Variants in MAP3K13 observed in about 807,000 individuals in gnomAD.
MAP3K13 encodes the protein mitogen-activated protein kinase kinase kinase 13.
A neutral mutation model predicts 104.0 loss-of-function variants in MAP3K13; 52 were observed. That is an observed-to-expected ratio of 0.50 (90% CI 0.40 to 0.63). The LOEUF (loss-of-function observed/expected upper bound fraction) is 0.63, where lower values mean the gene tolerates loss of function less well. Ranked by LOEUF, MAP3K13 falls within the 20% of genes least tolerant of loss-of-function variation. MAP3K13 has a pLI of 0.00. For missense variants in MAP3K13, 914 were observed against 1,218.5 expected, an observed-to-expected ratio of 0.75 and a Z score of 3.72; for synonymous variants, 394 against 442.2, an observed-to-expected ratio of 0.89 and a Z score of 1.37.
intron 2 of MAP3K13, among the ~76,000 whole-genome samples, chr3:185,294,988 C>T (rs1188309071): frequency 6.6e-6 from 1 of 152,078 alleles, no homozygotes; most frequent in Non-Finnish European, 1.5e-5. Context: ...ATTTACTCCT[C>T]CCCCCTCTAA....
At position 185,378,554 on chromosome 3, in the gene MAP3K13, G is replaced by A. The variant is rs145743148; in HGVS notation, c.-86+15186G>A. On this transcript the variant is annotated intron_variant, in intron 1 of 13. Coordinates refer to ENST00000265026, the MANE Select transcript of MAP3K13 (RefSeq NM_004721.5). ...GAGGTGATAGAAGGATTATAGGGTC[G>A]GGGAGCAGAGGCTGAGGAAGAATTG... 3.7e-3 allele frequency among the ~76,000 whole-genome samples: 562 copies of A among 152,156 alleles called. 4 individuals carry two copies. Among genetic ancestry groups the A allele is most frequent in the African/African-American group, 0.013 (535 of 41,514 alleles).
At chr3:185,357,447 TAAAAAAA>T (rs71162295) in intron 2 of MAP3K13, among the ~76,000 whole-genome samples, 3 of 91,398 alleles carry the variant, frequency 3.3e-5, no homozygotes, top group African/African-American at 1.2e-4. Flanking sequence ...AAACTCCATC[TAAAAAAA>T]AAAAAAAAAA....
chr3:185,420,782 TG>T lies in MAP3K13; in HGVS notation c.-85-7712del, dbSNP rs1474007997. On this transcript the variant is annotated intron_variant, in intron 1 of 13. Coordinates refer to ENST00000265026, the MANE Select transcript of MAP3K13 (RefSeq NM_004721.5). ...TTATAAAAATCCTCAATTAGTAACA[TG>T]GGAAAAATTGTATTCTATGATAGAA... 3.3e-5 allele frequency among the ~76,000 whole-genome samples: 5 copies of T among 152,332 alleles called. No individual in the cohort carries two copies. In the East Asian group the frequency reaches 9.6e-4, roughly 29 times the overall value.
intron 1 of MAP3K13, among the ~76,000 whole-genome samples, chr3:185,372,442 A>G (rs1359746163): frequency 6.6e-6 from 1 of 152,218 alleles, no homozygotes; most frequent in African/African-American, 2.4e-5. Context: ...AAGTATTCTC[A>G]AAGACCTAGA....
intron 1 of MAP3K13, among the ~76,000 whole-genome samples, chr3:185,385,327 T>C (rs1179389884): frequency 6.6e-6 from 1 of 152,128 alleles, no homozygotes; most frequent in Non-Finnish European, 1.5e-5. Context: ...ATTTTTGTAT[T>C]TTTGTTGTTG....
chr3:185,442,262 G>C (rs1291217613), intron 3 of MAP3K13, among the ~76,000 whole-genome samples: 3 of 151,388 alleles, frequency 2.0e-5, no homozygotes, highest in African/African-American at 7.3e-5. Context: ...TCCCACTCAC[G>C]GGTGAGATGT....
At position 185,484,714 on chromosome 3, in the gene MAP3K13, C is replaced by T. The variant is rs1577639933; in HGVS notation, c.*2258C>T. The T allele has an allele frequency of 6.6e-6, 1 of 152,052 alleles. No homozygotes were observed. The highest frequency in any genetic ancestry group is 2.4e-5 in the African/African-American group (1 of 41,398). The allele number at this position is 152,052 out of a possible 1,614,324, so 9.4% of individuals were successfully genotyped here. A position where few individuals can be genotyped will look rare whatever the true frequency, so the allele number is the denominator to read the frequency against. ...CAGTATTGTTTGCATTAATTTATTCCATTTTGTAAAAATTCTGTAGCTGGA... is the reference window on the plus strand; with the variant it reads ...CAGTATTGTTTGCATTAATTTATTCTATTTTGTAAAAATTCTGTAGCTGGA... On this transcript the variant is annotated 3_prime_UTR_variant, in exon 14 of 14. Coordinates refer to ENST00000265026, the MANE Select transcript of MAP3K13 (RefSeq NM_004721.5).
chr3:185,389,987 A>C lies in MAP3K13; in HGVS notation c.-86+26619A>C, dbSNP rs146409989. Among the ~76,000 whole-genome samples the C allele has an allele frequency of 9.8e-5, 15 of 152,290 alleles. No homozygotes were observed. In the East Asian group the frequency reaches 2.9e-3, roughly 29 times the overall value. On this transcript the variant is annotated intron_variant, in intron 1 of 13. Coordinates refer to ENST00000265026, the MANE Select transcript of MAP3K13 (RefSeq NM_004721.5). ...CTTAATAGATGATAACTGGATTCTC[A>C]TATCTGCTTCTGCTTTCAATCTGTT... is the stretch of plus-strand genomic sequence containing the variant.
At chr3:185,329,060 G>T in intron 2 of MAP3K13, 1 of 499,132 alleles carries the variant, frequency 2.0e-6, no homozygotes, top group Non-Finnish European at 3.6e-6. Flanking sequence ...TTTCTACCTG[G>T]CTCTAAATCT....
At chr3:185,455,266 GATATATATGAGATATATGAGAT>G (rs1560118926) in intron 7 of MAP3K13, among the ~76,000 whole-genome samples, 9 of 17,794 alleles carry the variant, frequency 5.1e-4, no homozygotes, top group East Asian at 1.5e-3. Context: ...AGATATATGA[GATATATATGAGATATATGAGAT>G]ATATATATGA....
chr3:185,309,512 C>CAAAAAAAAAA (rs66889332), intron 2 of MAP3K13, among the ~76,000 whole-genome samples: 1 of 105,778 alleles, frequency 9.5e-6, no homozygotes. Flanking sequence ...CCTTGTCTCA[C>CAAAAAAAAAA]AAAAAAAAAA....
chr3:185,366,506 A>G (rs1723894455), intron 1 of MAP3K13, among the ~76,000 whole-genome samples: 1 of 152,152 alleles, frequency 6.6e-6, no homozygotes, highest in African/African-American at 2.4e-5. Flanking sequence ...TTTTCAGGAG[A>G]TGCCAAATTG....
chr3:185,351,656 T>A (rs1218986982), intron 2 of MAP3K13, among the ~76,000 whole-genome samples: 2 of 152,220 alleles, frequency 1.3e-5, no homozygotes, highest in Admixed American at 1.3e-4. Context: ...TCCCAGTATC[T>A]TGGTTCTCTG....
At chr3:185,290,351 C>T (rs776545012) in intron 2 of MAP3K13, among the ~76,000 whole-genome samples, 11 of 152,052 alleles carry the variant, frequency 7.2e-5, no homozygotes, top group Non-Finnish European at 8.8e-5. Context: ...TATTTTAGTG[C>T]GTGCTTCATT....
intron 13 of MAP3K13, 23 bp downstream of exon 13, chr3:185,480,552 C>T: frequency 6.2e-7 from 1 of 1,603,688 alleles, no homozygotes; most frequent in South Asian, 1.1e-5. Flanking sequence ...CCCTTCTCCT[C>T]CCATCACTGT....
At chr3:185,417,774 C>T in intron 1 of MAP3K13, 1 of 1,612,206 alleles carries the variant, frequency 6.2e-7, no homozygotes. Flanking sequence ...TGTTCCGGCG[C>T]ATGGTCTTTG....
At position 185,426,142 on chromosome 3, in the gene MAP3K13, G is replaced by A. The variant is rs139126587; in HGVS notation, c.-85-2355G>A. 2.8e-3 allele frequency among the ~76,000 whole-genome samples: 428 copies of A among 152,090 alleles called. 1 individual carries two copies. Among genetic ancestry groups the A allele is most frequent in the African/African-American group, 1.0e-2 (413 of 41,454 alleles). ...GTCGCCCAGGCTAGAGTGTAGTAGC[G>A]CAATCTTGGCTCACTGCAACCTCCG... On this transcript the variant is annotated intron_variant, in intron 1 of 13. Coordinates refer to ENST00000265026, the MANE Select transcript of MAP3K13 (RefSeq NM_004721.5).
chr3:185,446,864 C>T (rs1715619993), intron 4 of MAP3K13, among the ~76,000 whole-genome samples: 1 of 152,144 alleles, frequency 6.6e-6, no homozygotes, highest in African/African-American at 2.4e-5. Flanking sequence ...ATAACGGTGC[C>T]TTATGTATCT....
intron 2 of MAP3K13, among the ~76,000 whole-genome samples, chr3:185,286,134 A>G (rs1720502051): frequency 6.6e-6 from 1 of 151,782 alleles, no homozygotes. Flanking sequence ...ATACTATTTT[A>G]TTTTTTCTTT....
Sources: allele counts gnomAD v4.1 joint callset (sites outside exome capture counted in the v4.1 genomes callset), GRCh38; gene constraint gnomAD v4.1.1; transcripts MANE v1.5; gene names NCBI Gene and HGNC (gene_info 2026-07-23, HGNC 2026-07-21).